The following KCNIP4 variants were observed in gnomAD, a reference collection of about 807,000 sequenced individuals.
KCNIP4 encodes potassium voltage-gated channel interacting protein 4, also known as Kv channel-interacting protein 4.
A neutral mutation model predicts 34.0 loss-of-function variants in KCNIP4; 12 were observed. That is an observed-to-expected ratio of 0.35 (90% CI 0.23 to 0.57). The LOEUF (loss-of-function observed/expected upper bound fraction) is 0.57. Among genes scored for constraint, KCNIP4 ranks in the 20% least tolerant of loss-of-function variants. The pLI is 0.83. For synonymous variants in KCNIP4, 124 were observed against 102.2 expected (o/e 1.21, Z -1.29); for missense variants, 238 against 311.7 (o/e 0.76, Z 1.78).
chr4:21,749,378 C>T (rs1376284738), intron 1 of KCNIP4, among the ~76,000 whole-genome samples: 2 of 152,146 alleles, frequency 1.3e-5, no homozygotes, highest in African/African-American at 4.8e-5. Flanking sequence ...ACGATGATCG[C>T]TGTCTTTCAG....
chr4:20,890,623 T>G (rs1725821670), intron 1 of KCNIP4, among the ~76,000 whole-genome samples: 1 of 152,094 alleles, frequency 6.6e-6, no homozygotes, highest in Non-Finnish European at 1.5e-5. Flanking sequence ...CTCAATGAGA[T>G]CATTCAAAAT....
intron 1 of KCNIP4, among the ~76,000 whole-genome samples, chr4:21,785,882 T>C (rs2109222765): frequency 6.6e-6 from 1 of 152,338 alleles, no homozygotes; most frequent in South Asian, 2.1e-4. Flanking sequence ...TTCCCACTTT[T>C]TGACTATTAC....
At chr4:20,739,638 G>A (rs373640009) in intron 5 of KCNIP4, among the ~76,000 whole-genome samples, 10 of 152,316 alleles carry the variant, frequency 6.6e-5, no homozygotes, top group South Asian at 6.2e-4. Flanking sequence ...AAGATGGAGA[G>A]AAACCAGAGC....
intron 1 of KCNIP4, among the ~76,000 whole-genome samples, chr4:21,283,008 T>C (rs1762876576): frequency 6.6e-6 from 1 of 152,162 alleles, no homozygotes; most frequent in Admixed American, 6.5e-5. Context: ...AATAAAAGAC[T>C]GAATTACTCA....
intron 1 of KCNIP4, among the ~76,000 whole-genome samples, chr4:21,915,301 AAAAGAGTGACACAC>A (rs1450341794): frequency 6.6e-6 from 1 of 152,220 alleles, no homozygotes; most frequent in African/African-American, 2.4e-5. Flanking sequence ...ATAAAGGTAA[AAAAGAGTGACACAC>A]AATTGAAGCA....
chr4:20,774,191 A>G (rs571525111), intron 3 of KCNIP4, among the ~76,000 whole-genome samples: 81 of 152,338 alleles, frequency 5.3e-4, no homozygotes, highest in Middle Eastern at 3.4e-3. Flanking sequence ...TATTTCTACA[A>G]TGATGCTCGT....
chr4:21,259,201 G>A (rs1225928516), intron 1 of KCNIP4, among the ~76,000 whole-genome samples: 1 of 152,120 alleles, frequency 6.6e-6, no homozygotes, highest in Non-Finnish European at 1.5e-5. Flanking sequence ...AAAATTTATG[G>A]TATGAACTAC....
chr4:20,738,914 T>C (rs1750360837), intron 5 of KCNIP4, among the ~76,000 whole-genome samples: 1 of 152,100 alleles, frequency 6.6e-6, no homozygotes, highest in South Asian at 2.1e-4. Context: ...CCAACAGTCT[T>C]AGCAAACGGC....
chr4:21,251,359 T>A (rs1760683966), intron 1 of KCNIP4, among the ~76,000 whole-genome samples: 1 of 152,210 alleles, frequency 6.6e-6, no homozygotes, highest in Non-Finnish European at 1.5e-5. Flanking sequence ...TGCATTACTT[T>A]TTACTTTAAC....
chr4:21,533,469 C>A (rs1228240643), intron 1 of KCNIP4, among the ~76,000 whole-genome samples: 5 of 152,002 alleles, frequency 3.3e-5, no homozygotes, highest in Non-Finnish European at 7.4e-5. Context: ...AGCCTGAAGA[C>A]CGGATGAATT....
rs1379871971 is a variant in KCNIP4 at position 20,840,414 on chromosome 4, T to A, written c.288+10129A>T. Among the ~76,000 whole-genome samples the A allele has an allele frequency of 8.5e-5, 13 of 152,252 alleles. No individual in the cohort carries two copies. In the East Asian group the frequency reaches 1.5e-3, roughly 18 times the overall value. Reference sequence around the variant, plus strand: ...ATGTCATTCTCTCATTTGGAGAAAATAAAATTTTATTTTCTACCTGAGTAC... The same window carrying A: ...ATGTCATTCTCTCATTTGGAGAAAAAAAAATTTTATTTTCTACCTGAGTAC... On this transcript the variant is annotated intron_variant, in intron 3 of 8. Coordinates refer to ENST00000382152, the MANE Select transcript of KCNIP4 (RefSeq NM_025221.6).
intron 1 of KCNIP4, among the ~76,000 whole-genome samples, chr4:21,112,045 C>G (rs577119745): frequency 6.7e-6 from 1 of 148,534 alleles, no homozygotes; most frequent in Non-Finnish European, 1.5e-5. Context: ...ATCTATCTAT[C>G]TATCTATCTA....
intron 1 of KCNIP4, among the ~76,000 whole-genome samples, chr4:21,926,592 T>TCAATTTA (rs1363348525): frequency 1.3e-5 from 2 of 152,054 alleles, no homozygotes; most frequent in Non-Finnish European, 2.9e-5. Context: ...TCCAAAACCA[T>TCAATTTA]CAATTTACCA....
chr4:21,523,253 C>T (rs1462551886), intron 1 of KCNIP4, among the ~76,000 whole-genome samples: 1 of 152,040 alleles, frequency 6.6e-6, no homozygotes, highest in African/African-American at 2.4e-5. Context: ...AACTAAGACA[C>T]CTATGGTCTT....
chr4:20,831,037 G>T (rs1441739143), intron 3 of KCNIP4, among the ~76,000 whole-genome samples: 1 of 152,192 alleles, frequency 6.6e-6, no homozygotes, highest in Non-Finnish European at 1.5e-5. Flanking sequence ...AATATAAAGA[G>T]AGTGGGATTG....
intron 1 of KCNIP4, among the ~76,000 whole-genome samples, chr4:21,902,364 C>A (rs114881659): frequency 6.6e-6 from 1 of 151,956 alleles, no homozygotes; most frequent in Non-Finnish European, 1.5e-5. Context: ...GTCCTTATGG[C>A]TCTTACAATT....
chr4:21,535,262 G>A (rs1241219600), intron 1 of KCNIP4, among the ~76,000 whole-genome samples: 1 of 152,128 alleles, frequency 6.6e-6, no homozygotes, highest in Non-Finnish European at 1.5e-5. Flanking sequence ...AGCTAGAATT[G>A]GACACAGTGT....
At chr4:21,099,976 A>G (rs1470747718) in intron 1 of KCNIP4, among the ~76,000 whole-genome samples, 1 of 152,188 alleles carries the variant, frequency 6.6e-6, no homozygotes, top group Non-Finnish European at 1.5e-5. Context: ...TGATCAAACT[A>G]CAATGGATGA....
Position 21,144,417 on chromosome 4 carries a change from C to A in KCNIP4, c.62-261708G>T, listed in dbSNP as rs559154129. ...TACAGGGCAAGGACTGTTTATTCAT[C>A]CCAGAGTTTATGTCAAAAAAAGAGC... On this transcript the variant is annotated intron_variant, in intron 1 of 8. Transcript: ENST00000382152. Among the ~76,000 whole-genome samples, 7 of 152,276 alleles carry A rather than the reference C, an allele frequency of 4.6e-5. No homozygotes were observed. The South Asian group carries it at 1.5e-3, about 32-fold the overall frequency.
Sources: allele counts gnomAD v4.1 joint callset (sites outside exome capture counted in the v4.1 genomes callset), GRCh38; gene constraint gnomAD v4.1.1; transcripts MANE v1.5; gene names NCBI Gene and HGNC (gene_info 2026-07-23, HGNC 2026-07-21).